Variants in ZNF710 observed in about 807,000 individuals in gnomAD.
ZNF710 encodes the protein zinc finger protein 710.
ZNF710 carries 13 observed loss-of-function variants against 50.6 expected under a neutral mutation model. The observed-to-expected ratio is 0.26, with a 90% CI of 0.17 to 0.41. ZNF710 has a LOEUF of 0.41. Ranked by LOEUF, ZNF710 falls within the 10% of genes least tolerant of loss-of-function variation. The pLI, the probability that ZNF710 is intolerant of heterozygous loss-of-function variation, is 1.00. For missense variants in ZNF710, 721 were observed against 936.6 expected, an observed-to-expected ratio of 0.77 and a Z score of 3.01; for synonymous variants, 383 against 397.0, an observed-to-expected ratio of 0.96 and a Z score of 0.42.
intron 1 of ZNF710, chr15:90,026,136 A>G (rs1898768117): frequency 6.6e-6 from 1 of 152,066 alleles, no homozygotes; most frequent in Non-Finnish European, 1.5e-5. Context: ...ACGGAAACAC[A>G]GTGAAATCAG....
chr15:90,010,439 C>T (rs1344154250), intron 1 of ZNF710, among the ~76,000 whole-genome samples: 1 of 152,166 alleles, frequency 6.6e-6, no homozygotes, highest in East Asian at 1.9e-4. Context: ...CAGGCATGCA[C>T]CACCACAGCT....
intron 1 of ZNF710, among the ~76,000 whole-genome samples, chr15:90,015,966 T>C (rs1898445129): frequency 6.6e-6 from 1 of 152,182 alleles, no homozygotes; most frequent in Non-Finnish European, 1.5e-5. Context: ...TATGTACCAA[T>C]GTACACTATG....
At chr15:90,009,998 C>T (rs1399614861) in intron 1 of ZNF710, among the ~76,000 whole-genome samples, 12 of 152,170 alleles carry the variant, frequency 7.9e-5, no homozygotes, top group Admixed American at 7.9e-4. Flanking sequence ...TCTTCTCCAC[C>T]TTGGGTCTGG....
intron 1 of ZNF710, among the ~76,000 whole-genome samples, chr15:90,030,513 C>A (rs1898907120): frequency 6.6e-6 from 1 of 151,950 alleles, no homozygotes; most frequent in East Asian, 1.9e-4. Context: ...AACGAAACAG[C>A]TGGCAGGAGT....
intron 2 of ZNF710, among the ~76,000 whole-genome samples, chr15:90,071,388 A>G (rs1209439375): frequency 6.6e-6 from 1 of 152,168 alleles, no homozygotes; most frequent in Non-Finnish European, 1.5e-5. Flanking sequence ...CAATGTGCAC[A>G]TCATGTGTTT....
Position 90,040,107 on chromosome 15 carries a change from G to C in ZNF710, c.-28-27003G>C, listed in dbSNP as rs528998642. On this transcript the variant is annotated intron_variant, in intron 1 of 4. Transcript: ENST00000268154. This position sits in a 1 kb window ranked among gnomAD's most constrained non-coding sequence, Gnocchi z 4.6. ...CATGCCAGTGAGAACCAGAGCCTGG[G>C]GGCACTTTGTGCATGGTGGCCATAC... is the stretch of plus-strand genomic sequence containing the variant. Among the ~76,000 whole-genome samples the C allele has an allele frequency of 7.9e-5, 12 of 152,306 alleles. No homozygotes were observed. In the South Asian group the frequency reaches 2.5e-3, roughly 32 times the overall value.
chr15:90,008,447 T>TATATATACAC (rs1898206564), intron 1 of ZNF710, among the ~76,000 whole-genome samples: 1 of 142,482 alleles, frequency 7.0e-6, no homozygotes, highest in African/African-American at 2.8e-5. Context: ...TATACATATA[T>TATATATACAC]ATATATGTAT....
intron 4 of ZNF710, among the ~76,000 whole-genome samples, chr15:90,078,183 C>CCT (rs1310801294): frequency 6.8e-6 from 1 of 148,122 alleles, no homozygotes; most frequent in Admixed American, 6.9e-5. Context: ...TGCACTCCAG[C>CCT]CTGGGCAACA....
rs1163686348 is a variant in ZNF710 at position 90,034,749 on chromosome 15, C to T, written c.-28-32361C>T. 6.6e-6 allele frequency among the ~76,000 whole-genome samples: 1 copy of T among 152,162 alleles called. No homozygotes were observed. The highest frequency in any genetic ancestry group is 2.4e-5 in the African/African-American group (1 of 41,426). ...TTCTTTGTTCTGGCCGTGGGTGGGGCACCCGGCTCCACCTGCCTCAGGTTT... is the reference window on the plus strand; with the variant it reads ...TTCTTTGTTCTGGCCGTGGGTGGGGTACCCGGCTCCACCTGCCTCAGGTTT... On this transcript the variant is annotated intron_variant, in intron 1 of 4. Transcript: ENST00000268154. The surrounding 1 kb of genome is among the most constrained non-coding windows in gnomAD (Gnocchi z 4.0).
At chr15:90,027,455 C>G (rs987954892) in intron 1 of ZNF710, among the ~76,000 whole-genome samples, 1 of 152,164 alleles carries the variant, frequency 6.6e-6, no homozygotes, top group Non-Finnish European at 1.5e-5. Context: ...AATGATCCAC[C>G]TGCCTCGGCC....
chr15:90,050,651 G>A (rs567549502), intron 1 of ZNF710, among the ~76,000 whole-genome samples: 1 of 152,202 alleles, frequency 6.6e-6, no homozygotes, highest in Non-Finnish European at 1.5e-5. Flanking sequence ...GGCACACACA[G>A]ACCAAGGTGT....
In ZNF710 at chr15:90,067,790, T is replaced by C. The variant is rs763467301; in HGVS notation, c.653T>C (p.Phe218Ser). 1.3e-6 allele frequency: 2 copies of C among 1,582,402 alleles called. No individual in the cohort carries two copies. The highest frequency in any genetic ancestry group is 4.5e-5 in the East Asian group (2 of 44,524). The change falls in exon 2 of 5, where the codon TTC becomes TCC. Residue 218 changes from phenylalanine (F) to serine (S), a missense_variant. Phe to Ser is a radical substitution (Grantham distance 155). Transcript: ENST00000268154. The surrounding 1 kb of genome is among the most constrained non-coding windows in gnomAD (Gnocchi z 8.1). ...GPEALPTECG[F>S]EPPHLAPLSD... ...GAGGCCTTGCCCACAGAGTGTGGGT[T>C]CGAGCCACCCCACCTGGCCCCCCTG... is the stretch of plus-strand genomic sequence containing the variant.
intron 4 of ZNF710, among the ~76,000 whole-genome samples, chr15:90,077,796 G>A (rs924215036): frequency 2.0e-5 from 3 of 152,166 alleles, no homozygotes; most frequent in Non-Finnish European, 2.9e-5. Flanking sequence ...CACACCTATC[G>A]TCCCAGCTAC....
At chr15:90,018,508 G>T (rs1479012010) in intron 1 of ZNF710, among the ~76,000 whole-genome samples, 1 of 152,036 alleles carries the variant, frequency 6.6e-6, no homozygotes. Flanking sequence ...ATTTCTTGTC[G>T]CCACCTAGAT....
intron 1 of ZNF710, among the ~76,000 whole-genome samples, chr15:90,007,590 C>T (rs1042321404): frequency 1.3e-5 from 2 of 151,670 alleles, no homozygotes; most frequent in African/African-American, 4.8e-5. Context: ...ACAGCACATG[C>T]GATATGCCAG....
chr15:90,069,409 C>CA (rs111557072), intron 2 of ZNF710, among the ~76,000 whole-genome samples: 2,073 of 136,064 alleles, frequency 0.015, 48 homozygotes, highest in African/African-American at 0.05. Flanking sequence ...ACCCTGTCTC[C>CA]AAAAAAAAAA....
rs1310338547 is a variant in ZNF710 at position 90,051,725 on chromosome 15, G to A, written c.-28-15385G>A. 2.6e-5 allele frequency among the ~76,000 whole-genome samples: 4 copies of A among 152,128 alleles called. No individual in the cohort carries two copies. The South Asian group carries it at 6.2e-4, about 24-fold the overall frequency. On this transcript the variant is annotated intron_variant, in intron 1 of 4. Coordinates refer to ENST00000268154, the MANE Select transcript of ZNF710 (RefSeq NM_198526.4). ...TTCTCTGGTGTACCTGGTAACCGTG[G>A]GTGAATCACTCAACTCCTGTGCCTT...
intron 1 of ZNF710, among the ~76,000 whole-genome samples, chr15:90,056,676 G>A (rs1171979652): frequency 6.6e-6 from 1 of 152,186 alleles, no homozygotes; most frequent in Non-Finnish European, 1.5e-5. Context: ...TGTGAGCTGC[G>A]AGGTGGGAGG....
chr15:90,015,830 C>T (rs1324969359), intron 1 of ZNF710, among the ~76,000 whole-genome samples: 5 of 152,090 alleles, frequency 3.3e-5, no homozygotes, highest in South Asian at 2.1e-4. Flanking sequence ...AGGCTGGTCT[C>T]GAACTCCTGG....
Sources: allele counts gnomAD v4.1 joint callset (sites outside exome capture counted in the v4.1 genomes callset), GRCh38; gene constraint gnomAD v4.1.1; non-coding constraint Gnocchi (gnomAD v3.1); transcripts MANE v1.5; gene names NCBI Gene and HGNC (gene_info 2026-07-23, HGNC 2026-07-21).